TEAD2: variants seen among roughly 807,000 people sequenced by gnomAD.
The protein encoded by TEAD2 is transcriptional enhancer factor TEF-4.
TEAD2 carries 51 observed loss-of-function variants against 61.4 expected under a neutral mutation model. The ratio of observed to expected loss-of-function variants is 0.83; its 90% CI spans 0.66 to 1.05. TEAD2 has a LOEUF of 1.05. Ranked by LOEUF, TEAD2 falls within the 50% of genes least tolerant of loss-of-function variation. The probability of loss-of-function intolerance (pLI) is 0.00; values close to 1 mark genes in which losing one functional copy is unlikely to be tolerated. For missense variants in TEAD2, 509 were observed against 600.0 expected (o/e 0.85, Z 1.58); for synonymous variants, 244 against 243.2 (o/e 1.00, Z -0.03).
chr19:49,353,501 G>C (rs1356289971), intron 7 of TEAD2, among the ~76,000 whole-genome samples: 1 of 152,152 alleles, frequency 6.6e-6, no homozygotes, highest in South Asian at 2.1e-4. Context: ...ACCTGCTGTG[G>C]TTCTTCACAG....
Position 49,359,877 on chromosome 19 carries a change from T to C in TEAD2, c.199A>G (p.Lys67Glu), listed in dbSNP as rs139180581. The change falls in exon 2 of 13, where the codon AAA (lysine) becomes GAA (glutamate). Residue 67 changes from lysine (K) to glutamate (E), a missense_variant. Transcript: ENST00000593945. This position sits in a 1 kb window ranked among gnomAD's most constrained non-coding sequence, Gnocchi z 4.1. ...TTGCCTTCATCAGACAAAATTATTT[T>C]CCGGCGGCCGCAGGGTGGATAGATG... ...LAIYPPCGRR[K>E]IILSDEGKMY... 4.3e-6 allele frequency: 7 copies of C among 1,613,774 alleles called. No individual in the cohort carries two copies. The highest frequency in any genetic ancestry group is 5.1e-6 in the Non-Finnish European group (6 of 1,180,008).
intron 7 of TEAD2, among the ~76,000 whole-genome samples, chr19:49,352,538 A>G (rs1972090808): frequency 6.6e-6 from 1 of 151,852 alleles, no homozygotes; most frequent in Admixed American, 6.6e-5. Context: ...GCAAGACCCC[A>G]GCTCTATTTT....
Position 49,343,262 on chromosome 19 carries a change from GAGC to G in TEAD2, c.1055_1057del (p.Cys352del). On this transcript the variant is annotated inframe_deletion, in exon 11 of 13. Coordinates refer to ENST00000593945, the MANE Select transcript of TEAD2 (RefSeq NM_001256660.2). ...CTTCTCCACCACCTGCTTGCCAAAA[GAGC>G]AGACCTTGGAGGAACAGGTGAGGGT... 5 of 1,613,484 alleles carry G rather than the reference GAGC, an allele frequency of 3.1e-6. No homozygotes were observed. The highest frequency in any genetic ancestry group is 3.4e-6 in the Non-Finnish European group (4 of 1,179,732).
chr19:49,351,937 G>T (rs1279668437), intron 7 of TEAD2, among the ~76,000 whole-genome samples: 1 of 151,712 alleles, frequency 6.6e-6, no homozygotes, highest in East Asian at 1.9e-4. Context: ...AGTGAGCCGA[G>T]ATTACGCCAT....
At chr19:49,342,711 C>T in intron 11 of TEAD2, 121 bp from the exon 12 acceptor site, 1 of 1,231,230 alleles carries the variant, frequency 8.1e-7, no homozygotes, top group Non-Finnish European at 1.1e-6. Flanking sequence ...TGCCACCTTC[C>T]TTTCATCACC....
chr19:49,343,877 T>G (rs1971470215), intron 10 of TEAD2, among the ~76,000 whole-genome samples: 1 of 148,508 alleles, frequency 6.7e-6, no homozygotes, highest in Non-Finnish European at 1.5e-5. Flanking sequence ...AACAGGGTCT[T>G]GCTCCGTCAC....
chr19:49,359,879 C>T lies in TEAD2; in HGVS notation c.197G>A (p.Arg66Gln), dbSNP rs974088361. 6.2e-7 allele frequency: 1 copy of T among 1,613,770 alleles called. No homozygotes were observed. Among genetic ancestry groups the T allele is most frequent in the Non-Finnish European group, 8.5e-7 (1 of 1,180,018 alleles). The change falls in exon 2 of 13, where the codon CGG (arginine) becomes CAG (glutamine). Residue 66 changes from arginine (R) to glutamine (Q), a missense_variant. Physicochemically the swap from Arg to Gln is conservative, Grantham distance 43. Transcript: ENST00000593945. The surrounding 1 kb of genome is among the most constrained non-coding windows in gnomAD (Gnocchi z 4.1). ...ALAIYPPCGRRKIILSDEGKM... is the reference protein window; with the variant it reads ...ALAIYPPCGRQKIILSDEGKM... ...GCCTTCATCAGACAAAATTATTTTC[C>T]GGCGGCCGCAGGGTGGATAGATGGC...
At chr19:49,354,061 G>T (rs1001715166) in intron 7 of TEAD2, among the ~76,000 whole-genome samples, 1 of 150,590 alleles carries the variant, frequency 6.6e-6, no homozygotes, top group South Asian at 2.1e-4. Context: ...GCCTCCCAAA[G>T]TGCTGGGATT....
rs779443454 is a variant in TEAD2 at position 49,342,542 on chromosome 19, G to A, written c.1138C>T (p.Arg380Cys). 20 of 1,614,050 alleles carry A rather than the reference G, an allele frequency of 1.2e-5. No homozygotes were observed. Among genetic ancestry groups the A allele is most frequent in the South Asian group, 9.9e-5 (9 of 91,074 alleles). Residue 380 changes from arginine (R) to cysteine (C), a missense_variant, in exon 12 of 13, where the codon CGC (arginine) becomes TGC (cysteine). Physicochemically the swap from Arg to Cys is radical, Grantham distance 180. Coordinates refer to ENST00000593945, the MANE Select transcript of TEAD2 (RefSeq NM_001256660.2). The part of the protein sequence containing the change: ...EDGRFVYRLL[R>C]SPMCEYLVNF... ...ACCAGGTACTCGCACATGGGCGAGC[G>A]CAGCAGGCGGTACACAAATCTGCCG...
chr19:49,346,127 T>C (rs751158186), intron 10 of TEAD2, among the ~76,000 whole-genome samples: 2 of 138,810 alleles, frequency 1.4e-5, no homozygotes, highest in Non-Finnish European at 3.0e-5. Context: ...ATCGCACCAT[T>C]GCACTCCAGC....
Position 49,348,586 on chromosome 19 carries a change from GC to G in TEAD2, c.747+116del, listed in dbSNP as rs1971798609. ...CAGAAAGCAATCTCTGTTTTAAGAAGCCCTTCAGATGATTCTGATACATGCT... is the reference window on the plus strand; with the variant it reads ...CAGAAAGCAATCTCTGTTTTAAGAAGCCTTCAGATGATTCTGATACATGCT... On this transcript the variant is annotated intron_variant, in intron 9 of 12. Coordinates refer to ENST00000593945, the MANE Select transcript of TEAD2 (RefSeq NM_001256660.2). 9 of 940,790 alleles carry G rather than the reference GC, an allele frequency of 9.6e-6. No individual in the cohort carries two copies. In the South Asian group the frequency reaches 1.1e-4, roughly 12 times the overall value. 58.3% of individuals were successfully genotyped at this position (940,790 alleles called of 1,614,324 possible).
intron 4 of TEAD2, among the ~76,000 whole-genome samples, chr19:49,356,813 G>A (rs1972432943): frequency 6.6e-6 from 1 of 152,028 alleles, no homozygotes; most frequent in Admixed American, 6.6e-5. Flanking sequence ...CCTGCCCAGG[G>A]TCTCAGCAAC....
rs1199412646 is a variant in TEAD2 at position 49,355,028 on chromosome 19, T to TACATACATACAC, written c.539+119_539+120insGTGTATGTATGT. On this transcript the variant is annotated intron_variant, in intron 7 of 12. Transcript: ENST00000593945. ...ATAAATACATACATACATGCATACA[T>TACATACATACAC]ACATACATACATACATACATAAATG... 5.9e-6 allele frequency: 4 copies of TACATACATACAC among 677,822 alleles called. No individual in the cohort carries two copies. In the East Asian group the frequency reaches 8.2e-5, roughly 14 times the overall value. The allele number at this position is 677,822 out of a possible 1,614,324, so 42.0% of individuals were successfully genotyped here. A position where few individuals can be genotyped will look rare whatever the true frequency, so the allele number is the denominator to read the frequency against.
intron 8 of TEAD2, among the ~76,000 whole-genome samples, chr19:49,350,907 G>A (rs1971976861): frequency 6.6e-6 from 1 of 152,090 alleles, no homozygotes; most frequent in Admixed American, 6.6e-5. Context: ...TTGGCCGGGT[G>A]CGGTGGCTCA....
chr19:49,347,270 T>C lies in TEAD2; in HGVS notation c.841A>G (p.Lys281Glu). 6.2e-7 allele frequency: 1 copy of C among 1,614,096 alleles called. No homozygotes were observed. The highest frequency in any genetic ancestry group is 8.5e-7 in the Non-Finnish European group (1 of 1,180,002). Residue 281 changes from lysine to glutamate, a missense_variant, in exon 10 of 13, where the codon AAA (lysine) becomes GAA (glutamate). Physicochemically the swap from Lys to Glu is moderately conservative, Grantham distance 56. Coordinates refer to ENST00000593945, the MANE Select transcript of TEAD2 (RefSeq NM_001256660.2). The stretch of plus-strand genomic sequence containing the variant: ...AGGCCACCCTTTTTCTCAGGGAATT[T>C]GTCGTAGATCTGCCGGACGTCCACA... ...ESVDVRQIYD[K>E]FPEKKGGLRE...
At chr19:49,350,838 C>T (rs62126193) in intron 8 of TEAD2, among the ~76,000 whole-genome samples, 61 of 152,250 alleles carry the variant, frequency 4.0e-4, no homozygotes, top group Non-Finnish European at 5.9e-4. Context: ...CCGGCTCCCC[C>T]GCCCCCAACA....
At position 49,342,514 on chromosome 19, in the gene TEAD2, T is replaced by C. The variant is rs1204617964; in HGVS notation, c.1166A>G (p.Asn389Ser). The C allele has an allele frequency of 3.7e-6, 6 of 1,614,136 alleles. No homozygotes were observed. The highest frequency in any genetic ancestry group is 4.2e-6 in the Non-Finnish European group (5 of 1,180,002). Residue 389 changes from asparagine (N) to serine (S), a missense_variant, in exon 12 of 13, where the codon AAT becomes AGT. Asn to Ser is a conservative substitution (Grantham distance 46, BLOSUM62 1). Transcript: ENST00000593945. The part of the protein sequence containing the change: ...LRSPMCEYLV[N>S]FLHKLRQLPE... ...CAGCTGCCGCAACTTGTGCAAGAAA[T>C]TCACCAGGTACTCGCACATGGGCGA...
intron 3 of TEAD2, chr19:49,357,897 A>C (rs1409681506): frequency 1.9e-5 from 3 of 155,354 alleles, no homozygotes; most frequent in Non-Finnish European, 4.3e-5. Context: ...CAGGAGTTCA[A>C]GACCAGCCTG....
At chr19:49,350,282 C>G (rs1971927854) in intron 8 of TEAD2, among the ~76,000 whole-genome samples, 1 of 152,064 alleles carries the variant, frequency 6.6e-6, no homozygotes, top group Non-Finnish European at 1.5e-5. Context: ...GTTACTGGAA[C>G]CAATAAATCA....
Sources: gnomAD v4.1 joint callset for allele counts (sites outside exome capture counted in the v4.1 genomes callset) on GRCh38, gnomAD v4.1.1 for gene constraint, Gnocchi (gnomAD v3.1) non-coding constraint, MANE v1.5 for transcripts, NCBI Gene and HGNC (gene_info 2026-07-23, HGNC 2026-07-21) for gene names.